CPLANE1: variants seen among roughly 807,000 people sequenced by gnomAD.
The protein encoded by CPLANE1 is ciliogenesis and planar polarity effector 1.
A neutral mutation model predicts 362.5 loss-of-function variants in CPLANE1; 263 were observed. The observed-to-expected ratio is 0.73, with a 90% CI of 0.66 to 0.80. The LOEUF (loss-of-function observed/expected upper bound fraction) is 0.80, where lower values mean the gene tolerates loss of function less well. Among genes scored for constraint, CPLANE1 ranks in the 30% least tolerant of loss-of-function variants. The pLI, the probability that CPLANE1 is intolerant of heterozygous loss-of-function variation, is 0.00. For synonymous variants in CPLANE1, 1,212 were observed against 1,302.6 expected (o/e 0.93, Z 1.50); for missense variants, 3,461 against 3,793.4 (o/e 0.91, Z 2.30).
intron 43 of CPLANE1, among the ~76,000 whole-genome samples, chr5:37,146,237 G>A (rs1771538872): frequency 6.6e-6 from 1 of 151,698 alleles, no homozygotes; most frequent in East Asian, 1.9e-4. Flanking sequence ...GGAGTGCAGT[G>A]GCATGATCTC....
At chr5:37,155,473 C>CA (rs1774815883) in intron 41 of CPLANE1, among the ~76,000 whole-genome samples, 1 of 152,174 alleles carries the variant, frequency 6.6e-6, no homozygotes, top group South Asian at 2.1e-4. Context: ...CTCCTGGACT[C>CA]AAGCAATCCT....
At chr5:37,115,658 G>A (rs1037459664) in intron 50 of CPLANE1, among the ~76,000 whole-genome samples, 2 of 147,206 alleles carry the variant, frequency 1.4e-5, no homozygotes, top group Non-Finnish European at 3.0e-5. Flanking sequence ...GTACAGTGGC[G>A]TGATCTCCAC....
Position 37,184,872 on chromosome 5 carries a change from C to G in CPLANE1, c.4397G>C (p.Gly1466Ala). The G allele has an allele frequency of 6.2e-7, 1 of 1,613,728 alleles. No homozygotes were observed. ...TGCATCACTGTGAACCACAGAATCT[C>G]CTAGTTCTGTGAGTGTACTTCTGCT... ...SLSRSTLTEL[G>A]DSVVHSDADT... The change falls in exon 25 of 53, where the codon GGA (glycine) becomes GCA (alanine). Residue 1466 changes from glycine (G) to alanine (A), a missense_variant. By Grantham distance (60) the Gly-to-Ala change is moderately conservative. This residue lies in a region of CPLANE1 where 3,380 missense variants were observed against 3,666.1 expected (regional missense o/e 0.92). Transcript: ENST00000651892.
rs538648700 is a variant in CPLANE1, at chr5:37,183,191, G to A, written c.4990C>T (p.Pro1664Ser). The A allele has an allele frequency of 6.2e-7, 1 of 1,610,574 alleles. No individual in the cohort carries two copies. Among genetic ancestry groups the A allele is most frequent in the East Asian group, 2.2e-5 (1 of 44,814 alleles). The change falls in exon 26 of 53, where the codon CCT becomes TCT. Residue 1664 changes from proline to serine, a missense_variant. Pro to Ser is a moderately conservative substitution (Grantham distance 74, BLOSUM62 -1). Transcript: ENST00000651892. ...TCATTCTTATTGACTTCATTCGAAGGATATTGTAAAAAAGGTTTGATCCCT... is the reference window on the plus strand; with the variant it reads ...TCATTCTTATTGACTTCATTCGAAGAATATTGTAAAAAAGGTTTGATCCCT... ...NQGIKPFLQY[P>S]SNEVNKNEGM...
chr5:37,135,933 A>G (rs1479960480), intron 46 of CPLANE1, among the ~76,000 whole-genome samples: 1 of 152,158 alleles, frequency 6.6e-6, no homozygotes, highest in Non-Finnish European at 1.5e-5. Flanking sequence ...AATTATCTCC[A>G]CCAACATGTG....
Position 37,226,532 on chromosome 5 carries a change from CA to C in CPLANE1, c.2062del (p.Cys688ValfsTer8). The C allele has an allele frequency of 6.5e-7, 1 of 1,547,956 alleles. No individual in the cohort carries two copies. The highest frequency in any genetic ancestry group is 8.7e-7 in the Non-Finnish European group (1 of 1,145,646). On this transcript the variant is annotated frameshift_variant, in exon 12 of 53. Transcript: ENST00000651892. ...GQLFSEKLLA[C>X]FYLLKMVADN... is the part of the protein sequence containing the mutation. ...AGCTACCATTTTGAGTAAATAAAAA[CA>C]AGCTAAAAGTTTCTCTGAGAATAAC...
chr5:37,101,639 C>T (rs990827127), downstream of CPLANE1, among the ~76,000 whole-genome samples: 1 of 152,054 alleles, frequency 6.6e-6, no homozygotes, highest in Non-Finnish European at 1.5e-5. Context: ...AGGAGTCGCT[C>T]CTTTTCAATT....
chr5:37,227,604 C>A lies in CPLANE1; in HGVS notation c.1335G>T (p.Arg445Ser). 1 of 1,551,400 alleles carries A rather than the reference C, an allele frequency of 6.4e-7. No homozygotes were observed. The highest frequency in any genetic ancestry group is 8.7e-7 in the Non-Finnish European group (1 of 1,146,844). Residue 445 changes from arginine to serine, a missense_variant, in exon 10 of 53, where the codon AGG (arginine) becomes AGT (serine). Transcript: ENST00000651892. ...TCACACTTTGATATATTTTCTCAAGCCTCTGGGTTGAATCAAGTAGAAGTG... is the reference window on the plus strand; with the variant it reads ...TCACACTTTGATATATTTTCTCAAGACTCTGGGTTGAATCAAGTAGAAGTG... ...MRSLLLDSTQ[R>S]LEKIYQSVIL...
At chr5:37,077,548 C>A in the CPLANE1 span, among the ~76,000 whole-genome samples, 2 of 147,648 alleles carry the variant, frequency 1.4e-5, no homozygotes, top group South Asian at 2.2e-4. Context: ...AAGAGACAGA[C>A]AGAATAAAAA....
At chr5:37,229,109 A>G (rs1223891634) in intron 9 of CPLANE1, among the ~76,000 whole-genome samples, 3 of 150,712 alleles carry the variant, frequency 2.0e-5, no homozygotes, top group African/African-American at 7.3e-5. Flanking sequence ...AATTCCAGCT[A>G]CTCAGGAGGC....
intron 47 of CPLANE1, among the ~76,000 whole-genome samples, chr5:37,123,577 G>T (rs1258596282): frequency 6.6e-6 from 1 of 152,220 alleles, no homozygotes; most frequent in Non-Finnish European, 1.5e-5. Flanking sequence ...AGTGCACTCT[G>T]TTGCCCAGGC....
chr5:37,198,235 C>A (rs1226586115), intron 20 of CPLANE1, among the ~76,000 whole-genome samples: 2 of 152,126 alleles, frequency 1.3e-5, no homozygotes, highest in Non-Finnish European at 2.9e-5. Flanking sequence ...ACCTGGGAAT[C>A]AAACTGAATT....
intron 43 of CPLANE1, among the ~76,000 whole-genome samples, 192 bp downstream of exon 43, chr5:37,147,989 A>T (rs1772225836): frequency 6.6e-6 from 1 of 150,766 alleles, no homozygotes; most frequent in Non-Finnish European, 1.5e-5. Context: ...AAAAAAAAAA[A>T]AAAAAAAAAG....
chr5:37,157,036 A>G (rs979694932), intron 41 of CPLANE1, among the ~76,000 whole-genome samples: 1 of 152,226 alleles, frequency 6.6e-6, no homozygotes, highest in African/African-American at 2.4e-5. Context: ...ATTGCTTTCT[A>G]ACATCAAAAC....
intron 46 of CPLANE1, chr5:37,130,476 C>T (rs973465577): frequency 9.2e-6 from 2 of 217,762 alleles, no homozygotes; most frequent in Non-Finnish European, 2.0e-5. Context: ...ACGTATTTCA[C>T]ATGGTCAGCC....
chr5:37,145,932 G>A (rs1228617410), intron 43 of CPLANE1, among the ~76,000 whole-genome samples: 2 of 152,172 alleles, frequency 1.3e-5, no homozygotes, highest in Non-Finnish European at 2.9e-5. Context: ...CAAACAGCCT[G>A]AAAGTAAAGG....
intron 5 of CPLANE1, among the ~76,000 whole-genome samples, chr5:37,243,482 CAA>C (rs1738346862): frequency 6.6e-6 from 1 of 151,600 alleles, no homozygotes; most frequent in Admixed American, 6.6e-5. Flanking sequence ...AAATTTCTAA[CAA>C]GAGTGGTTTG....
At chr5:37,216,251 C>T (rs896116154) in intron 15 of CPLANE1, among the ~76,000 whole-genome samples, 12 of 152,052 alleles carry the variant, frequency 7.9e-5, no homozygotes, top group East Asian at 3.9e-4. Context: ...GCAAAAAGAA[C>T]GTGTGGGGTG....
Position 37,182,947 on chromosome 5 carries a change from C to G in CPLANE1, c.5234G>C (p.Arg1745Thr). 2 of 1,605,024 alleles carry G rather than the reference C, an allele frequency of 1.2e-6. No individual in the cohort carries two copies. The highest frequency in any genetic ancestry group is 1.7e-6 in the Non-Finnish European group (2 of 1,176,030). The change falls in exon 26 of 53, where the codon AGA becomes ACA. Residue 1745 changes from arginine (R) to threonine (T), a missense_variant. Arg to Thr is a moderately conservative substitution (Grantham distance 71). This residue lies in a region of CPLANE1 where 3,380 missense variants were observed against 3,666.1 expected (regional missense o/e 0.92). Transcript: ENST00000651892. ...LALNTFGSIG[R>T]LLEWMIRWSN... is the part of the protein sequence containing the mutation. ...CCACCTTATCATCCATTCCAGCAGT[C>G]TTCCTATACTGCCAAAAGTGTTTAG...
Sources: allele counts gnomAD v4.1 joint callset (sites outside exome capture counted in the v4.1 genomes callset), GRCh38; gene constraint gnomAD v4.1.1; regional missense constraint gnomAD v4.1.1; transcripts MANE v1.5; gene names NCBI Gene and HGNC (gene_info 2026-07-23, HGNC 2026-07-21).